The following PDZD2 variants were observed in gnomAD, a reference collection of about 807,000 sequenced individuals.
PDZD2 encodes PDZ domain-containing protein 2.
PDZD2 carries 90 observed loss-of-function variants against 220.7 expected under a neutral mutation model. That is an observed-to-expected ratio of 0.41 (90% CI 0.34 to 0.49). PDZD2 has a LOEUF of 0.49. PDZD2 is among the 20% of genes least tolerant of loss of function. The pLI is 0.28. For synonymous variants in PDZD2, 1,375 were observed against 1,450.5 expected (o/e 0.95, Z 1.18); for missense variants, 3,174 against 3,608.5 (o/e 0.88, Z 3.08).
At chr5:31,905,863 T>C (rs57872357) in intron 2 of PDZD2, among the ~76,000 whole-genome samples, 156 of 152,178 alleles carry the variant, frequency 1.0e-3, no homozygotes, top group African/African-American at 3.6e-3. Context: ...TGCTTATTGT[T>C]ATCATCTTTC....
intron 3 of PDZD2, among the ~76,000 whole-genome samples, chr5:31,988,014 T>A (rs909449754): frequency 6.6e-6 from 1 of 152,154 alleles, no homozygotes; most frequent in Non-Finnish European, 1.5e-5. Flanking sequence ...CTAGGCTGCT[T>A]TCATTTTGCC....
intron 1 of PDZD2, among the ~76,000 whole-genome samples, chr5:31,773,651 A>G (rs1294580418): frequency 6.6e-6 from 1 of 152,152 alleles, no homozygotes; most frequent in Non-Finnish European, 1.5e-5. Context: ...CTCTGTCTCA[A>G]AAAATATTTA....
chr5:32,072,330 GC>G lies in PDZD2; in HGVS notation c.2725+17del. 6.2e-7 allele frequency: 1 copy of G among 1,600,718 alleles called. No individual in the cohort carries two copies. On this transcript the variant is annotated intron_variant, in intron 17 of 24. Transcript: ENST00000438447. ...CCCAGCACCTCCAGTAAGCAGGGGT[GC>G]CCCAGAGGGCCTGGGCTCTGCATTC...
Position 31,821,466 on chromosome 5 carries a change from C to T in PDZD2, c.476+21742C>T, listed in dbSNP as rs141056974. ...CGCGATCTTGGCTCACTGCAACCTC[C>T]GTCTCCCAGGTTCAAGTGATTTTCC... On this transcript the variant is annotated intron_variant, in intron 2 of 24. Transcript: ENST00000438447. Among the ~76,000 whole-genome samples the T allele has an allele frequency of 8.7e-3, 1,317 of 151,996 alleles. 14 individuals are homozygous for T. Among genetic ancestry groups the T allele is most frequent in the African/African-American group, 0.028 (1,145 of 41,442 alleles).
intron 3 of PDZD2, among the ~76,000 whole-genome samples, chr5:31,992,973 T>G (rs1751347014): frequency 6.6e-6 from 1 of 151,874 alleles, no homozygotes; most frequent in Admixed American, 6.6e-5. Context: ...CAACATCCAG[T>G]CAGCACATCC....
chr5:32,054,271 C>T (rs1424435099), intron 10 of PDZD2, among the ~76,000 whole-genome samples: 1 of 141,208 alleles, frequency 7.1e-6, no homozygotes, highest in Admixed American at 7.2e-5. Context: ...TATCTTGCTA[C>T]AGAAATCAAC....
chr5:31,680,536 C>G (rs1224376716), intron 1 of PDZD2, among the ~76,000 whole-genome samples: 5 of 152,076 alleles, frequency 3.3e-5, no homozygotes, highest in Admixed American at 2.6e-4. Context: ...AAATACTCCT[C>G]ATTTATGCCA....
At chr5:32,006,979 C>A (rs1470078622) in intron 5 of PDZD2, among the ~76,000 whole-genome samples, 2 of 142,104 alleles carry the variant, frequency 1.4e-5, no homozygotes, top group Admixed American at 7.3e-5. Context: ...GCAGTGGCGC[C>A]ATCTCAGCTC....
chr5:31,770,784 T>A (rs745761992), intron 1 of PDZD2, among the ~76,000 whole-genome samples: 9 of 151,494 alleles, frequency 5.9e-5, no homozygotes, highest in Non-Finnish European at 1.2e-4. Context: ...GCAGTTTCTC[T>A]GCTGTGGCTC....
At chr5:31,800,108 G>T (rs1202111505) in intron 2 of PDZD2, among the ~76,000 whole-genome samples, 2 of 152,034 alleles carry the variant, frequency 1.3e-5, no homozygotes, top group Admixed American at 6.6e-5. Flanking sequence ...GGACTGTCTT[G>T]GTGTTTCCCA....
chr5:31,665,656 C>G (rs1480433440), intron 1 of PDZD2, among the ~76,000 whole-genome samples: 5 of 147,548 alleles, frequency 3.4e-5, no homozygotes, highest in Middle Eastern at 3.4e-3. Flanking sequence ...CCCCCCCTCC[C>G]TTTCCTGCTG....
At chr5:32,061,327 T>A (rs910860309) in intron 14 of PDZD2, among the ~76,000 whole-genome samples, 193 bp downstream of exon 14, 2 of 152,220 alleles carry the variant, frequency 1.3e-5, no homozygotes, top group Admixed American at 1.3e-4. Flanking sequence ...ATTTTGACAA[T>A]GTTATCTGGT....
intron 1 of PDZD2, among the ~76,000 whole-genome samples, chr5:31,701,104 A>C (rs1261936250): frequency 1.3e-5 from 2 of 152,192 alleles, no homozygotes; most frequent in Non-Finnish European, 2.9e-5. Flanking sequence ...TGTTGTACAG[A>C]CCCAGTGCTG....
chr5:31,797,094 ATTTTTTTTTTTTTT>A (rs756548601), intron 1 of PDZD2, among the ~76,000 whole-genome samples: 2 of 66,544 alleles, frequency 3.0e-5, no homozygotes, highest in South Asian at 6.2e-4. Context: ...CACCCAGCTA[ATTTTTTTTTTTTTT>A]TTTTTTTTTT....
chr5:31,890,190 C>T lies in PDZD2; in HGVS notation c.476+90466C>T, dbSNP rs181690857. ...ATCCAAGAGAAGCTGTGGAGCAGCA[C>T]TGTCCAATAAAACTTAATGGGCGAT... On this transcript the variant is annotated intron_variant, in intron 2 of 24. Transcript: ENST00000438447. 9.4e-5 allele frequency among the ~76,000 whole-genome samples: 13 copies of T among 138,910 alleles called. No individual in the cohort carries two copies. The East Asian group carries it at 2.6e-3, about 28-fold the overall frequency. 91.1% of individuals were successfully genotyped at this position (138,910 alleles called of 152,430 possible). A position where few individuals can be genotyped will look rare whatever the true frequency, so the allele number is the denominator to read the frequency against.
rs1251840861 is a variant in PDZD2, at chr5:31,752,068, G to GCTTTTTTTT, written c.-360-46821_-360-46820insCTTTTTTTT. On this transcript the variant is annotated intron_variant, in intron 1 of 24. Transcript: ENST00000438447. Reference sequence around the variant, plus strand: ...TTTGTTTGTTTGTTTTATTGTTTTGGGTTTGTTTTTTTTTTTTTTTTTCTG... The same window carrying GCTTTTTTTT: ...TTTGTTTGTTTGTTTTATTGTTTTGGCTTTTTTTTGTTTGTTTTTTTTTTTTTTTTTCTG... 2.1e-5 allele frequency among the ~76,000 whole-genome samples: 2 copies of GCTTTTTTTT among 95,918 alleles called. 1 individual carries two copies. Among genetic ancestry groups the GCTTTTTTTT allele is most frequent in the African/African-American group, 9.1e-5 (2 of 22,022 alleles). The allele number at this position is 95,918 out of a possible 152,430, so 62.9% of individuals were successfully genotyped here.
At chr5:31,849,995 C>T (rs202167867) in intron 2 of PDZD2, among the ~76,000 whole-genome samples, 3 of 15,510 alleles carry the variant, frequency 1.9e-4, no homozygotes, top group African/African-American at 7.2e-4. Context: ...TATATATACA[C>T]ATATATATAT....
intron 1 of PDZD2, among the ~76,000 whole-genome samples, chr5:31,686,048 A>G (rs1746844744): frequency 6.6e-6 from 1 of 151,702 alleles, no homozygotes; most frequent in African/African-American, 2.4e-5. Flanking sequence ...AAATACAAAA[A>G]TCAGCCAGGT....
chr5:31,650,162 G>A (rs1330215759), intron 1 of PDZD2, among the ~76,000 whole-genome samples: 1 of 151,884 alleles, frequency 6.6e-6, no homozygotes. Flanking sequence ...TGTGTCCTGG[G>A]TTTATGAGCA....
Sources: gnomAD v4.1 joint callset for allele counts (sites outside exome capture counted in the v4.1 genomes callset) on GRCh38, gnomAD v4.1.1 for gene constraint, MANE v1.5 for transcripts, NCBI Gene and HGNC (gene_info 2026-07-23, HGNC 2026-07-21) for gene names.